Variants in UCK1 observed in about 807,000 individuals in gnomAD.
UCK1 encodes the protein uridine-cytidine kinase 1, also known as cytidine monophosphokinase 1.
A neutral mutation model predicts 34.0 loss-of-function variants in UCK1; 20 were observed. The ratio of observed to expected loss-of-function variants is 0.59; its 90% CI spans 0.41 to 0.86. The LOEUF is 0.86. Among genes scored for constraint, UCK1 ranks in the 40% least tolerant of loss-of-function variants. The pLI is 0.00. For synonymous variants in UCK1, 168 were observed against 155.9 expected (o/e 1.08, Z -0.58); for missense variants, 343 against 383.6 (o/e 0.89, Z 0.88).
At chr9:131,526,203 C>G (rs1950598592) in intron 5 of UCK1, 2 of 666,634 alleles carry the variant, frequency 3.0e-6, no homozygotes, top group Non-Finnish European at 5.1e-6. Flanking sequence ...AAGAAAGTGC[C>G]TCTTCCAGTG....
intron 5 of UCK1, 157 bp downstream of exon 5, chr9:131,528,787 A>G: frequency 1.2e-6 from 1 of 835,732 alleles, no homozygotes; most frequent in East Asian, 2.7e-5. Flanking sequence ...TTTACAGCTG[A>G]GAACTACTCC....
chr9:131,525,896 G>A (rs753184823), intron 6 of UCK1, 33 bp downstream of exon 6: 14 of 1,610,800 alleles, frequency 8.7e-6, no homozygotes, highest in African/African-American at 1.3e-5. Context: ...TCTGGGAGGG[G>A]CGGGGGGACA....
intron 5 of UCK1, 160 bp from the exon 6 acceptor site, chr9:131,526,137 G>A: frequency 1.2e-6 from 1 of 834,920 alleles, no homozygotes; most frequent in Non-Finnish European, 1.9e-6. Flanking sequence ...TCATCAGCCA[G>A]GTGTGAGAGG....
chr9:131,525,316 A>G lies in UCK1; in HGVS notation c.653-95T>C. The G allele has an allele frequency of 4.6e-6, 7 of 1,512,364 alleles. No homozygotes were observed. The South Asian group carries it at 6.9e-5, about 15-fold the overall frequency. The allele number at this position is 1,512,364 out of a possible 1,614,324, so 93.7% of individuals were successfully genotyped here. A position where few individuals can be genotyped will look rare whatever the true frequency, so the allele number is the denominator to read the frequency against. On this transcript the variant is annotated intron_variant, in intron 6 of 6. Coordinates refer to ENST00000372215, the MANE Select transcript of UCK1 (RefSeq NM_031432.5). ...GCACTCGGCCAGGAGTGAGCGCCCA[A>G]CCTCTGCCCTGAGGCACAGCCTGCG... is the stretch of plus-strand genomic sequence containing the variant.
At position 131,528,942 on chromosome 9, in the gene UCK1, A is replaced by ACC; in HGVS notation, c.603_603+1dup. The ACC allele has an allele frequency of 3.1e-6, 5 of 1,613,964 alleles. No individual in the cohort carries two copies. Among genetic ancestry groups the ACC allele is most frequent in the Non-Finnish European group, 8.5e-7 (1 of 1,179,942 alleles). On this transcript the variant is annotated splice_donor_variant, in intron 5 of 6. Coordinates refer to ENST00000372215, the MANE Select transcript of UCK1 (RefSeq NM_031432.5). LOFTEE classifies it high-confidence loss of function. Reference sequence around the variant, plus strand: ...GGGCTCTGAAGCAGCGAGCACAGGTACCGGCAGGCAGAACTCCTCGAAGGC... The same window carrying ACC: ...GGGCTCTGAAGCAGCGAGCACAGGTACCCCGGCAGGCAGAACTCCTCGAAGGC...
rs1950524755 is a variant in UCK1 at position 131,524,934 on chromosome 9, C to T, written c.*106G>A. ...AGGAAGGCCTCGCTGCTAACACTCC[C>T]CTGGGGTGCGCCGAGAGGAAGCAGT... On this transcript the variant is annotated 3_prime_UTR_variant, in exon 7 of 7. Coordinates refer to ENST00000372215, the MANE Select transcript of UCK1 (RefSeq NM_031432.5). 7.2e-7 allele frequency: 1 copy of T among 1,393,590 alleles called. No individual in the cohort carries two copies. Among genetic ancestry groups the T allele is most frequent in the Non-Finnish European group, 9.7e-7 (1 of 1,030,294 alleles). The allele number at this position is 1,393,590 out of a possible 1,614,324, so 86.3% of individuals were successfully genotyped here.
chr9:131,531,235 C>T lies in UCK1; in HGVS notation c.-61G>A. ...CCGCCCCTTCCCCAGGCCCGGCGCG[C>T]CCGCCCAGCGCCGAGGTCGGAGGCA... On this transcript the variant is annotated 5_prime_UTR_variant, in exon 1 of 7. Transcript: ENST00000372215. The T allele has an allele frequency of 1.5e-6, 2 of 1,303,168 alleles. No individual in the cohort carries two copies. The highest frequency in any genetic ancestry group is 2.0e-6 in the Non-Finnish European group (2 of 1,020,038). 80.7% of individuals were successfully genotyped at this position (1,303,168 alleles called of 1,614,324 possible). A position where few individuals can be genotyped will look rare whatever the true frequency, so the allele number is the denominator to read the frequency against.
intron 4 of UCK1, 30 bp downstream of exon 4, chr9:131,529,098 G>A: frequency 6.2e-7 from 1 of 1,613,328 alleles, no homozygotes. Context: ...GCCTCGGCCA[G>A]GCAGGCACGG....
intron 6 of UCK1, 108 bp from the exon 7 acceptor site, chr9:131,525,329 G>A: frequency 7.1e-7 from 1 of 1,403,742 alleles, no homozygotes; most frequent in Middle Eastern, 2.5e-4. Flanking sequence ...TCTGCCCTGA[G>A]GCACAGCCTG....
intron 5 of UCK1, among the ~76,000 whole-genome samples, chr9:131,528,480 G>A (rs915947379): frequency 6.6e-6 from 1 of 152,200 alleles, no homozygotes; most frequent in Non-Finnish European, 1.5e-5. Context: ...ACAGACCCTG[G>A]AGGAGCAGCT....
chr9:131,530,575 A>T lies in UCK1; in HGVS notation c.179T>A (p.Val60Asp). 6.2e-7 allele frequency: 1 copy of T among 1,614,214 alleles called. No individual in the cohort carries two copies. The highest frequency in any genetic ancestry group is 8.5e-7 in the Non-Finnish European group (1 of 1,180,040). ...NEVEQRQRKV[V>D]ILSQDRFYKV... ...GTAGAACCTGTCCTGGCTCAGGATG[A>T]CCACCTTCCGCTGCCGCTGTTCCAC... Residue 60 changes from valine to aspartate, a missense_variant, in exon 2 of 7, where the codon GTC becomes GAC. Physicochemically the swap from Val to Asp is radical, Grantham distance 152 (BLOSUM62 -3). Coordinates refer to ENST00000372215, the MANE Select transcript of UCK1 (RefSeq NM_031432.5).
At chr9:131,530,880 G>C (rs924559053) in intron 1 of UCK1, among the ~76,000 whole-genome samples, 187 bp downstream of exon 1, 3 of 152,144 alleles carry the variant, frequency 2.0e-5, no homozygotes, top group African/African-American at 7.2e-5. Context: ...GAGCCCCGAG[G>C]CCCAGCGCCC....
At chr9:131,525,854 T>C in intron 6 of UCK1, 75 bp downstream of exon 6, 1 of 1,524,440 alleles carries the variant, frequency 6.6e-7, no homozygotes, top group Non-Finnish European at 9.0e-7. Context: ...GCTCAGTAAC[T>C]GCACACTGGT....
At chr9:131,530,401 A>G (rs1950786827) in intron 2 of UCK1, 85 bp downstream of exon 2, 4 of 1,545,532 alleles carry the variant, frequency 2.6e-6, no homozygotes, top group Non-Finnish European at 3.6e-6. Context: ...GTCTGCATCC[A>G]TCCAACCTTG....
rs1044096317 is a variant in UCK1 at position 131,524,036 on chromosome 9, C to T, written c.*1004G>A. On this transcript the variant is annotated 3_prime_UTR_variant, in exon 7 of 7. Transcript: ENST00000372215. ...AGGAGGGAGGATCACCCCAGGCAACCCAGACACGGGTGTTCACATGTGAGG... is the reference window on the plus strand; with the variant it reads ...AGGAGGGAGGATCACCCCAGGCAACTCAGACACGGGTGTTCACATGTGAGG... 6.6e-6 allele frequency: 1 copy of T among 152,290 alleles called. No homozygotes were observed. Among genetic ancestry groups the T allele is most frequent in the East Asian group, 1.9e-4 (1 of 5,200 alleles). 9.4% of individuals were successfully genotyped at this position (152,290 alleles called of 1,614,324 possible).
At chr9:131,528,796 C>G in intron 5 of UCK1, 148 bp downstream of exon 5, 1 of 921,948 alleles carries the variant, frequency 1.1e-6, no homozygotes, top group Non-Finnish European at 1.6e-6. Context: ...GAGAACTACT[C>G]CCAGGGTATG....
intron 5 of UCK1, among the ~76,000 whole-genome samples, chr9:131,527,221 A>T (rs1490408318): frequency 2.6e-5 from 4 of 151,626 alleles, no homozygotes; most frequent in Middle Eastern, 3.5e-3. Context: ...CTGGCTACTC[A>T]GGAGCCTGAG....
chr9:131,524,862 C>T lies in UCK1; in HGVS notation c.*178G>A. On this transcript the variant is annotated 3_prime_UTR_variant, in exon 7 of 7. Coordinates refer to ENST00000372215, the MANE Select transcript of UCK1 (RefSeq NM_031432.5). Reference sequence around the variant, plus strand: ...ACCTCAGGAACGCCTGTCAGTGTCCCAGCAAGTTGAGTCTGAGTGACACAT... The same window carrying T: ...ACCTCAGGAACGCCTGTCAGTGTCCTAGCAAGTTGAGTCTGAGTGACACAT... 1.4e-6 allele frequency: 1 copy of T among 709,724 alleles called. No individual in the cohort carries two copies. Among genetic ancestry groups the T allele is most frequent in the Non-Finnish European group, 2.2e-6 (1 of 450,638 alleles). 44.0% of individuals were successfully genotyped at this position (709,724 alleles called of 1,614,324 possible).
rs750432886 is a variant in UCK1, at chr9:131,529,020, C to T, written c.527G>A (p.Arg176Gln). The change falls in exon 5 of 7, where the codon CGA becomes CAA. Residue 176 changes from arginine to glutamine, a missense_variant. Transcript: ENST00000372215. ...CAGAATCTGCTCCAGGTCCCTCCCT[C>T]GGCGCACGTCCCGGAGAACTGCAGC... ...LSRRVLRDVR[R>Q]GRDLEQILTQ... 5.0e-6 allele frequency: 8 copies of T among 1,614,108 alleles called. No homozygotes were observed. The highest frequency in any genetic ancestry group is 2.2e-5 in the South Asian group (2 of 91,086).
Sources: gnomAD v4.1 joint callset for allele counts (sites outside exome capture counted in the v4.1 genomes callset) on GRCh38, gnomAD v4.1.1 for gene constraint, MANE v1.5 for transcripts, NCBI Gene and HGNC (gene_info 2026-07-23, HGNC 2026-07-21) for gene names.